Variants in NBAS observed in about 807,000 individuals in gnomAD.
NBAS encodes the protein NBAS subunit of NRZ tethering complex.
A neutral mutation model predicts 302.5 loss-of-function variants in NBAS; 219 were observed. The observed-to-expected ratio is 0.72, with a 90% confidence interval of 0.65 to 0.81. The LOEUF is 0.81. Among genes scored for constraint, NBAS ranks in the 30% least tolerant of loss-of-function variants. The pLI is 0.00. For synonymous variants in NBAS, 1,118 were observed against 1,021.6 expected, an observed-to-expected ratio of 1.09 and a Z score of -1.80; for missense variants, 2,932 against 2,841.6, an observed-to-expected ratio of 1.03 and a Z score of -0.72.
chr2:15,213,995 T>C (rs958155889), intron 48 of NBAS, among the ~76,000 whole-genome samples: 1 of 152,172 alleles, frequency 6.6e-6, no homozygotes, highest in South Asian at 2.1e-4. Flanking sequence ...CAGCAAACTA[T>C]GGCAAACTAA....
the NBAS span, among the ~76,000 whole-genome samples, chr2:14,967,373 C>T: frequency 1.3e-5 from 2 of 152,090 alleles, no homozygotes; most frequent in Non-Finnish European, 2.9e-5. Context: ...AAGACTGATA[C>T]TACCCGATTT....
intron 26 of NBAS, among the ~76,000 whole-genome samples, chr2:15,400,727 T>C (rs1038069555): frequency 1.3e-5 from 2 of 152,184 alleles, no homozygotes; most frequent in African/African-American, 4.8e-5. Context: ...TATTTATATT[T>C]AAAAATCAGA....
At chr2:15,317,154 A>C (rs569175115) in intron 38 of NBAS, among the ~76,000 whole-genome samples, 2 of 152,344 alleles carry the variant, frequency 1.3e-5, no homozygotes, top group East Asian at 3.9e-4. Context: ...ACAGCTGAGG[A>C]ACCTGACTCT....
At chr2:15,220,360 C>G (rs891137959) in intron 47 of NBAS, among the ~76,000 whole-genome samples, 6 of 152,198 alleles carry the variant, frequency 3.9e-5, no homozygotes, top group Non-Finnish European at 8.8e-5. Context: ...TACAGCTGAA[C>G]CAACAAACTT....
At position 15,343,966 on chromosome 2, in the gene NBAS, GAA is replaced by G. The variant is rs78326538; in HGVS notation, c.4179+8024_4179+8025del. ...AAAAATACTTTAAAATCATAAATCT[GAA>G]AAAAAAAAAAAACACTTGACTGCAA... is the stretch of plus-strand genomic sequence containing the variant. On this transcript the variant is annotated intron_variant, in intron 35 of 51. Transcript: ENST00000281513. Among the ~76,000 whole-genome samples, 456 of 85,196 alleles carry G rather than the reference GAA, an allele frequency of 5.4e-3. 2 individuals are homozygous for G. Among genetic ancestry groups the G allele is most frequent in the African/African-American group, 0.015 (426 of 28,204 alleles). 55.9% of individuals were successfully genotyped at this position (85,196 alleles called of 152,430 possible).
the NBAS span, among the ~76,000 whole-genome samples, chr2:14,830,626 G>A: frequency 2.0e-5 from 3 of 152,176 alleles, no homozygotes; most frequent in African/African-American, 7.2e-5. Flanking sequence ...AGCATTTGTT[G>A]CCTTCGTGTA....
chr2:15,322,286 T>A (rs1671847242), intron 38 of NBAS, among the ~76,000 whole-genome samples: 2 of 151,848 alleles, frequency 1.3e-5, no homozygotes, highest in Non-Finnish European at 2.9e-5. Context: ...ATAACTAATG[T>A]AAATGACGAG....
the NBAS span, among the ~76,000 whole-genome samples, chr2:15,010,818 T>C: frequency 6.6e-6 from 1 of 152,182 alleles, no homozygotes; most frequent in Non-Finnish European, 1.5e-5. Context: ...CATAGTTGAT[T>C]AATGGCAGAA....
At chr2:15,480,055 T>C (rs1558377868) in intron 12 of NBAS, among the ~76,000 whole-genome samples, 1 of 152,178 alleles carries the variant, frequency 6.6e-6, no homozygotes, top group Non-Finnish European at 1.5e-5. Context: ...TGAAAACATA[T>C]TGGGGCCAGG....
At chr2:15,311,466 C>T (rs926079099) in intron 38 of NBAS, among the ~76,000 whole-genome samples, 1 of 152,098 alleles carries the variant, frequency 6.6e-6, no homozygotes, top group Non-Finnish European at 1.5e-5. Flanking sequence ...AACATGTTTT[C>T]GTTTCCCACT....
intron 11 of NBAS, among the ~76,000 whole-genome samples, chr2:15,490,934 A>G (rs1680830655): frequency 6.6e-6 from 1 of 152,246 alleles, no homozygotes; most frequent in Non-Finnish European, 1.5e-5. Context: ...TCCATTATAC[A>G]ACTCCATTGA....
chr2:15,352,840 G>GT (rs985193566), intron 34 of NBAS, among the ~76,000 whole-genome samples: 4 of 152,046 alleles, frequency 2.6e-5, no homozygotes, highest in South Asian at 2.1e-4. Context: ...AGTTTCAGGG[G>GT]TTTTTTTCTA....
chr2:15,179,229 A>G, intron 50 of NBAS, 113 bp from the exon 51 acceptor site: 4 of 1,497,894 alleles, frequency 2.7e-6, no homozygotes, highest in Admixed American at 3.7e-5. Flanking sequence ...GTGTGTGTGT[A>G]AAGCCACATA....
chr2:15,160,626 C>T, the NBAS span, among the ~76,000 whole-genome samples: 3 of 150,274 alleles, frequency 2.0e-5, no homozygotes, highest in Non-Finnish European at 4.4e-5. Context: ...CAGGTGATCC[C>T]CCAGGGCCCC....
the NBAS span, among the ~76,000 whole-genome samples, chr2:14,785,218 G>A: frequency 1.3e-5 from 2 of 152,032 alleles, no homozygotes; most frequent in South Asian, 2.1e-4. Context: ...GGAGATTTTG[G>A]GCTGAGACGA....
chr2:15,270,146 T>C (rs1669248973), intron 44 of NBAS, among the ~76,000 whole-genome samples: 1 of 152,196 alleles, frequency 6.6e-6, no homozygotes, highest in Admixed American at 6.5e-5. Context: ...GGGTCTATTA[T>C]TGGTATTTTA....
At chr2:14,850,188 C>T in the NBAS span, among the ~76,000 whole-genome samples, 1 of 134,306 alleles carries the variant, frequency 7.4e-6, no homozygotes, top group East Asian at 1.9e-4. Flanking sequence ...AAACCCATCT[C>T]ACGTGCAGAG....
chr2:15,270,698 A>T (rs1005594596), intron 44 of NBAS, among the ~76,000 whole-genome samples: 1 of 152,184 alleles, frequency 6.6e-6, no homozygotes, highest in African/African-American at 2.4e-5. Context: ...AAAAATTTCC[A>T]ATTTCATTGG....
At chr2:15,473,612 G>A (rs576663065) in intron 15 of NBAS, among the ~76,000 whole-genome samples, 74 of 152,242 alleles carry the variant, frequency 4.9e-4, no homozygotes, top group Admixed American at 1.9e-3. Context: ...GACAACCATG[G>A]AACAACCCGG....
Sources: allele counts gnomAD v4.1 joint callset (sites outside exome capture counted in the v4.1 genomes callset), GRCh38; gene constraint gnomAD v4.1.1; transcripts MANE v1.5; gene names NCBI Gene and HGNC (gene_info 2026-07-23, HGNC 2026-07-21).